The following EPHB4 variants were observed in gnomAD, a reference collection of about 807,000 sequenced individuals.
EPHB4 encodes the protein EPH receptor B4.
In EPHB4, 50 loss-of-function variants were observed where a neutral mutation model predicts 110.6. The ratio of observed to expected loss-of-function variants is 0.45; its 90% CI spans 0.36 to 0.57. The LOEUF is 0.57. EPHB4 is among the 20% of genes least tolerant of loss of function. EPHB4 has a pLI of 0.00. For missense variants in EPHB4, 1,128 were observed against 1,382.1 expected, an observed-to-expected ratio of 0.82 and a Z score of 2.91; for synonymous variants, 592 against 578.4, an observed-to-expected ratio of 1.02 and a Z score of -0.34.
chr7:100,826,493 G>C (rs538674357), intron 1 of EPHB4, among the ~76,000 whole-genome samples: 1 of 152,226 alleles, frequency 6.6e-6, no homozygotes, highest in South Asian at 2.1e-4. Flanking sequence ...TCCTGTTGCA[G>C]GAGTGTGGAA....
At chr7:100,826,800 A>C (rs2116472408) in intron 1 of EPHB4, 179 bp downstream of exon 1, 1 of 609,412 alleles carries the variant, frequency 1.6e-6, no homozygotes, top group Non-Finnish European at 2.7e-6. Context: ...AAACTCCACT[A>C]CCCGTCGGGC....
At chr7:100,808,535 G>A (rs769208294) in intron 12 of EPHB4, among the ~76,000 whole-genome samples, 5 of 152,138 alleles carry the variant, frequency 3.3e-5, no homozygotes, top group Non-Finnish European at 5.9e-5. Context: ...CCGTCTACAG[G>A]TGGAGATACA....
chr7:100,815,463 G>C (rs1813045678), intron 8 of EPHB4, among the ~76,000 whole-genome samples: 1 of 152,292 alleles, frequency 6.6e-6, no homozygotes, highest in Middle Eastern at 3.4e-3. Context: ...GTGGGTTAGT[G>C]CTTGCCAGGG....
At chr7:100,807,970 C>T (rs1812852823) in intron 12 of EPHB4, among the ~76,000 whole-genome samples, 2 of 152,092 alleles carry the variant, frequency 1.3e-5, no homozygotes, top group Non-Finnish European at 1.5e-5. Flanking sequence ...CTTCCAGACC[C>T]ACCTCACAAC....
chr7:100,818,373 C>T, intron 7 of EPHB4, 147 bp downstream of exon 7: 1 of 1,198,540 alleles, frequency 8.3e-7, no homozygotes, highest in South Asian at 1.5e-5. Context: ...GAGGCTCAGA[C>T]AGGCCAAGGG....
chr7:100,811,940 G>A (rs1188055908), intron 12 of EPHB4, among the ~76,000 whole-genome samples: 1 of 151,884 alleles, frequency 6.6e-6, no homozygotes, highest in Non-Finnish European at 1.5e-5. Context: ...GGGAGGCCGA[G>A]GCAGGCGGAT....
At chr7:100,817,923 G>T (rs1813122176) in intron 7 of EPHB4, among the ~76,000 whole-genome samples, 1 of 120,784 alleles carries the variant, frequency 8.3e-6, no homozygotes, top group Non-Finnish European at 1.6e-5. Context: ...CCGGACTGCA[G>T]TGGCGCTATC....
At position 100,823,817 on chromosome 7, in the gene EPHB4, G is replaced by A. The variant is rs774048106; in HGVS notation, c.238C>T (p.Arg80Trp). The change falls in exon 3 of 17, where the codon CGG (arginine) becomes TGG (tryptophan). Residue 80 changes from arginine to tryptophan, a missense_variant. Physicochemically the swap from Arg to Trp is moderately radical, Grantham distance 101. This residue lies in a region of EPHB4 where 728 missense variants were observed against 828.6 expected (regional missense o/e 0.88). Transcript: ENST00000358173. ...AHWLRTGWVP[R>W]RGAVHVYATL... ...GCGTACACGTGGACGGCGCCCCGCC[G>A]TGGGACCCAACCTGTGCGAAGCCAG... 1.5e-5 allele frequency: 25 copies of A among 1,613,166 alleles called. No individual in the cohort carries two copies. The highest frequency in any genetic ancestry group is 2.0e-5 in the Non-Finnish European group (24 of 1,179,928).
intron 7 of EPHB4, among the ~76,000 whole-genome samples, chr7:100,817,859 GT>G (rs33978512): frequency 0.029 from 1,361 of 47,024 alleles, 5 homozygotes; most frequent in African/African-American, 0.086. Flanking sequence ...TATTTTTTGC[GT>G]TTTTTTTTTT....
chr7:100,820,290 G>A lies in EPHB4; in HGVS notation c.815C>T (p.Ala272Val), dbSNP rs1363943271. ...AEGNTKCRAC[A>V]QGTFKPLSGE... ...TGACAGGGGCTTGAAGGTGCCCTGGGCACAGGCTGAGAGAGAGAAAGCATT... is the reference window on the plus strand; with the variant it reads ...TGACAGGGGCTTGAAGGTGCCCTGGACACAGGCTGAGAGAGAGAAAGCATT... The change falls in exon 5 of 17, where the codon GCC (alanine) becomes GTC (valine). Residue 272 changes from alanine to valine, a missense_variant. This residue lies in a region of EPHB4 where 728 missense variants were observed against 828.6 expected (regional missense o/e 0.88). Coordinates refer to ENST00000358173, the MANE Select transcript of EPHB4 (RefSeq NM_004444.5). 3 of 1,613,670 alleles carry A rather than the reference G, an allele frequency of 1.9e-6. No homozygotes were observed. Among genetic ancestry groups the A allele is most frequent in the African/African-American group, 1.3e-5 (1 of 74,908 alleles).
chr7:100,826,817 TCCCC>T, intron 1 of EPHB4, 158 bp downstream of exon 1: 2 of 748,594 alleles, frequency 2.7e-6, no homozygotes, highest in Non-Finnish European at 4.0e-6. Context: ...GGGCGCCTCT[TCCCC>T]GCCCCCCTCC....
chr7:100,817,282 C>T lies in EPHB4; in HGVS notation c.1498G>A (p.Gly500Arg). 6.2e-7 allele frequency: 1 copy of T among 1,600,378 alleles called. No individual in the cohort carries two copies. The highest frequency in any genetic ancestry group is 8.5e-7 in the Non-Finnish European group (1 of 1,174,580). ...NRAELRGLKR[G>R]ASYLVQVRAR... ...CGTACCTGCACCAGGTAGCTGGCTC[C>T]CCGCTTCAGCCCCCGCAGCTCTGCC... The change falls in exon 8 of 17, where the codon GGA becomes AGA. Residue 500 changes from glycine (G) to arginine (R), a missense_variant. By Grantham distance (125) the Gly-to-Arg change is moderately radical. Around this residue, in one of 3 missense-constraint regions of EPHB4, gnomAD observed 728 missense variants for 828.6 expected, o/e 0.88. Transcript: ENST00000358173.
At chr7:100,809,461 C>T (rs1366973047) in intron 12 of EPHB4, among the ~76,000 whole-genome samples, 3 of 152,166 alleles carry the variant, frequency 2.0e-5, no homozygotes, top group Non-Finnish European at 4.4e-5. Flanking sequence ...TCCCGTCACA[C>T]TGCCCAATGC....
At chr7:100,816,800 T>G (rs551354307) in intron 8 of EPHB4, among the ~76,000 whole-genome samples, 1 of 152,140 alleles carries the variant, frequency 6.6e-6, no homozygotes, top group African/African-American at 2.4e-5. Flanking sequence ...AGATAGGACT[T>G]TGACCGGGTG....
At position 100,805,518 on chromosome 7, in the gene EPHB4, C is replaced by A; in HGVS notation, c.2661G>T (p.Val887=). ...GTCCTCACCCGCCATTCTCCCGGGC[C>A]ACGATTTTGAGGCTGGCGGGGTTCC... ...MIRNPASLKI[V]ARENGGASHP... The change falls in exon 15 of 17, where the codon GTG becomes GTT. Residue 887 remains valine, a synonymous_variant. Coordinates refer to ENST00000358173, the MANE Select transcript of EPHB4 (RefSeq NM_004444.5). 6.6e-7 allele frequency: 1 copy of A among 1,522,012 alleles called. No homozygotes were observed. Among genetic ancestry groups the A allele is most frequent in the African/African-American group, 1.4e-5 (1 of 72,046 alleles). 94.3% of individuals were successfully genotyped at this position (1,522,012 alleles called of 1,614,324 possible).
intron 10 of EPHB4, 92 bp downstream of exon 10, chr7:100,813,560 C>T: frequency 7.2e-7 from 1 of 1,397,176 alleles, no homozygotes; most frequent in Non-Finnish European, 1.0e-6. Context: ...AAGTGATCTG[C>T]CCACCTCTGC....
chr7:100,806,573 C>T lies in EPHB4; in HGVS notation c.2335-4G>A. On this transcript the variant is annotated splice_region_variant and splice_polypyrimidine_tract_variant and intron_variant, in intron 13 of 16. Coordinates refer to ENST00000358173, the MANE Select transcript of EPHB4 (RefSeq NM_004444.5). ...ATCGGATGGGAATCTTTCCTCCCTG[C>T]AGAAAAAGGAGAAAAGGTGAGCTGG... 2 of 1,611,696 alleles carry T rather than the reference C, an allele frequency of 1.2e-6. No individual in the cohort carries two copies. The highest frequency in any genetic ancestry group is 1.7e-6 in the Non-Finnish European group (2 of 1,178,848).
chr7:100,818,583 G>A lies in EPHB4; in HGVS notation c.1359C>T (p.Ala453=). 1 of 1,613,794 alleles carries A rather than the reference G, an allele frequency of 6.2e-7. No individual in the cohort carries two copies. Reference sequence around the variant, plus strand: ...CACTGGGTGCCCGGGGAACAGCCCAGGCCAGGCTCAAGCTGCTGGGTGAGG... The same window carrying A: ...CACTGGGTGCCCGGGGAACAGCCCAAGCCAGGCTCAAGCTGCTGGGTGAGG... ...TRSSPSSLSL[A]WAVPRAPSGA... is the part of the protein sequence containing the mutation. The change falls in exon 7 of 17, where the codon GCC becomes GCT. Residue 453 remains alanine, a synonymous_variant. Transcript: ENST00000358173.
chr7:100,819,591 T>C lies in EPHB4; in HGVS notation c.1263A>G (p.Pro421=), dbSNP rs747692508. 6.3e-6 allele frequency: 10 copies of C among 1,583,814 alleles called. No individual in the cohort carries two copies. The African/African-American group carries it at 1.2e-4, about 19-fold the overall frequency. ...CAGTGGTGACATTGACAGGCTCAAA[T>C]GGGACGGGCCCCGTGGCTAAGGAGG... is the stretch of plus-strand genomic sequence containing the variant. The part of the protein sequence containing the change: ...GVSSLATGPV[P]FEPVNVTTDR... The change falls in exon 6 of 17, where the codon CCA becomes CCG. Residue 421 remains proline, a synonymous_variant. Coordinates refer to ENST00000358173, the MANE Select transcript of EPHB4 (RefSeq NM_004444.5).
Sources: gnomAD v4.1 joint callset for allele counts (sites outside exome capture counted in the v4.1 genomes callset) on GRCh38, gnomAD v4.1.1 for gene constraint, gnomAD v4.1.1 regional missense constraint, MANE v1.5 for transcripts, NCBI Gene and HGNC (gene_info 2026-07-23, HGNC 2026-07-21) for gene names.